Variants in TRERF1 observed in about 807,000 individuals in gnomAD.
The protein encoded by TRERF1 is transcriptional regulating factor 1.
Under a neutral mutation model 122.9 loss-of-function variants are expected in TRERF1, and 27 were observed. The ratio of observed to expected loss-of-function variants is 0.22; its 90% confidence interval spans 0.16 to 0.30. The LOEUF is 0.30. Ranked by LOEUF, TRERF1 falls within the 10% of genes least tolerant of loss-of-function variation. The pLI is 1.00. For missense variants in TRERF1, 1,248 were observed against 1,560.3 expected (o/e 0.80, Z 3.37); for synonymous variants, 636 against 641.7 (o/e 0.99, Z 0.13).
chr6:42,289,768 C>T (rs923259452), intron 4 of TRERF1, among the ~76,000 whole-genome samples: 1 of 152,134 alleles, frequency 6.6e-6, no homozygotes, highest in South Asian at 2.1e-4. Context: ...AGTTTGCTGA[C>T]CCCCAGTGCA....
Position 42,393,985 on chromosome 6 carries a change from G to C in TRERF1, c.-453-30906C>G, listed in dbSNP as rs182267091. Among the ~76,000 whole-genome samples the C allele has an allele frequency of 6.6e-6, 1 of 151,416 alleles. No individual in the cohort carries two copies. The highest frequency in any genetic ancestry group is 1.5e-5 in the Non-Finnish European group (1 of 67,938). ...CACACTGGTTTCTTCCAGAAAGATG[G>C]ATGTTTTTATTTTCTTCTCTATGAT... On this transcript the variant is annotated intron_variant, in intron 2 of 17. Coordinates refer to ENST00000372922, the Ensembl canonical transcript of TRERF1. This position sits in a 1 kb window ranked among gnomAD's most constrained non-coding sequence, Gnocchi z 4.1.
intron 3 of TRERF1, among the ~76,000 whole-genome samples, chr6:42,359,576 T>G (rs1276689989): frequency 6.6e-6 from 1 of 152,092 alleles, no homozygotes; most frequent in Admixed American, 6.5e-5. Context: ...ATACAAAAAT[T>G]AGCTGGGCGC....
intron 4 of TRERF1, among the ~76,000 whole-genome samples, chr6:42,294,935 A>G (rs1205368535): frequency 6.6e-6 from 1 of 152,148 alleles, no homozygotes. Flanking sequence ...GGCTCTGAGT[A>G]ACCAGAATAC....
In TRERF1 at chr6:42,419,269, C is replaced by T. The variant is rs532208474; in HGVS notation, c.-454+31908G>A. ...CACCGCCCCACCCCACCCCCCGCCC[C>T]GGCTTCTGCTGAGTCCCCTCTCCTC... On this transcript the variant is annotated intron_variant, in intron 2 of 17. Transcript: ENST00000372922. Among the ~76,000 whole-genome samples the T allele has an allele frequency of 2.2e-3, 312 of 139,464 alleles. 2 individuals are homozygous for T. Among genetic ancestry groups the T allele is most frequent in the Middle Eastern group, 7.4e-3 (2 of 272 alleles). The allele number at this position is 139,464 out of a possible 152,430, so 91.5% of individuals were successfully genotyped here.
chr6:42,425,591 T>G (rs1206120649), intron 2 of TRERF1, among the ~76,000 whole-genome samples: 1 of 117,300 alleles, frequency 8.5e-6, no homozygotes, highest in Admixed American at 1.2e-4. Context: ...TCGTCAGGGC[T>G]GGAATGCAAT....
At chr6:42,253,311 G>C (rs1461412304) in intron 13 of TRERF1, among the ~76,000 whole-genome samples, 1 of 152,132 alleles carries the variant, frequency 6.6e-6, no homozygotes, top group Non-Finnish European at 1.5e-5. Context: ...CCACTCTGAG[G>C]GCTGAGGGCA....
chr6:42,256,278 A>C (rs1487914383), intron 12 of TRERF1, among the ~76,000 whole-genome samples: 1 of 152,178 alleles, frequency 6.6e-6, no homozygotes, highest in Non-Finnish European at 1.5e-5. Flanking sequence ...GTGAACAGTA[A>C]ACACTTTATT....
At chr6:42,348,348 G>T (rs898715899) in intron 3 of TRERF1, among the ~76,000 whole-genome samples, 1 of 152,022 alleles carries the variant, frequency 6.6e-6, no homozygotes, top group African/African-American at 2.4e-5. Context: ...TTGTCTCCTG[G>T]GTTCAAGCGA....
intron 3 of TRERF1, among the ~76,000 whole-genome samples, chr6:42,323,521 T>C (rs1004182802): frequency 1.6e-4 from 25 of 152,162 alleles, no homozygotes; most frequent in Admixed American, 1.6e-3. Context: ...TTAGGGATAC[T>C]GATGGATAAC....
chr6:42,359,141 C>G (rs1771203862), intron 3 of TRERF1, among the ~76,000 whole-genome samples: 1 of 152,178 alleles, frequency 6.6e-6, no homozygotes. Context: ...AACCAGTGCT[C>G]TCCGCACCGT....
At chr6:42,420,891 G>C (rs978728027) in intron 2 of TRERF1, among the ~76,000 whole-genome samples, 8 of 152,176 alleles carry the variant, frequency 5.3e-5, no homozygotes, top group Admixed American at 5.2e-4. Context: ...CTGACAGGGG[G>C]CCACCCAGCC....
At chr6:42,292,272 C>T (rs1408202909) in intron 4 of TRERF1, among the ~76,000 whole-genome samples, 2 of 152,132 alleles carry the variant, frequency 1.3e-5, no homozygotes, top group Non-Finnish European at 2.9e-5. Flanking sequence ...ACCTTCAGCC[C>T]TCCTTTTGTT....
In TRERF1 at chr6:42,268,237, G is replaced by A; in HGVS notation, c.1354C>T (p.Pro452Ser). The A allele has an allele frequency of 6.7e-7, 1 of 1,497,912 alleles. No individual in the cohort carries two copies. The highest frequency in any genetic ancestry group is 1.4e-5 in the South Asian group (1 of 70,602). 92.8% of individuals were successfully genotyped at this position (1,497,912 alleles called of 1,614,324 possible). ...TGGATCCCACTGGGGGATAGGAGGG[G>A]GCGATGGGGGAGGGTGCTGCTGACC... is the stretch of plus-strand genomic sequence containing the variant. Residue 452 changes from proline to serine, a missense_variant, in exon 5 of 18, where the codon CCC (proline) becomes TCC (serine). Coordinates refer to ENST00000372922, the Ensembl canonical transcript of TRERF1. This position sits in a 1 kb window ranked among gnomAD's most constrained non-coding sequence, Gnocchi z 4.4.
intron 3 of TRERF1, among the ~76,000 whole-genome samples, chr6:42,332,190 A>G (rs1193896808): frequency 6.6e-6 from 1 of 152,170 alleles, no homozygotes; most frequent in Non-Finnish European, 1.5e-5. Context: ...TGATCCGCCC[A>G]CCTCGGCCTC....
chr6:42,283,873 C>T (rs1465874796), intron 4 of TRERF1, among the ~76,000 whole-genome samples: 1 of 152,220 alleles, frequency 6.6e-6, no homozygotes, highest in Non-Finnish European at 1.5e-5. Context: ...GCCTCGACCT[C>T]CCAAAGTGCT....
At position 42,275,215 on chromosome 6, in the gene TRERF1, CTT is replaced by C. The variant is rs1449545110; in HGVS notation, c.-258-5369_-258-5368del. On this transcript the variant is annotated intron_variant, in intron 4 of 17. Coordinates refer to ENST00000372922, the Ensembl canonical transcript of TRERF1. This position sits in a 1 kb window ranked among gnomAD's most constrained non-coding sequence, Gnocchi z 4.1. Reference sequence around the variant, plus strand: ...TATAATACCAACTCAGGATTCAAGTCTTTATTATTTTTCTAACAAGGTAACTG... The same window carrying C: ...TATAATACCAACTCAGGATTCAAGTCTATTATTTTTCTAACAAGGTAACTG... Among the ~76,000 whole-genome samples the C allele has an allele frequency of 6.6e-6, 1 of 152,194 alleles. No individual in the cohort carries two copies. Among genetic ancestry groups the C allele is most frequent in the South Asian group, 2.1e-4 (1 of 4,836 alleles).
intron 4 of TRERF1, among the ~76,000 whole-genome samples, chr6:42,300,209 C>A (rs145091297): frequency 6.6e-6 from 1 of 152,340 alleles, no homozygotes; most frequent in East Asian, 1.9e-4. Flanking sequence ...ACTGGCCTGA[C>A]TGATCATCTA....
intron 15 of TRERF1, among the ~76,000 whole-genome samples, chr6:42,240,764 G>A (rs1037172032): frequency 5.3e-5 from 8 of 152,184 alleles, no homozygotes; most frequent in Non-Finnish European, 1.0e-4. Context: ...CTGTGTGGTC[G>A]GGGGAGAGGA....
In TRERF1 at chr6:42,228,797, T is replaced by C; in HGVS notation, c.3279-128A>G. On this transcript the variant is annotated intron_variant, in intron 17 of 17. Transcript: ENST00000372922. This position sits in a 1 kb window ranked among gnomAD's most constrained non-coding sequence, Gnocchi z 4.2. ...CCCTGGCTGCTCGGCTTCTAGGACC[T>C]CCTTCCCCTGTGACCTGTCACCTCT... The C allele has an allele frequency of 1.1e-6, 1 of 870,480 alleles. No homozygotes were observed. Among genetic ancestry groups the C allele is most frequent in the African/African-American group, 1.7e-5 (1 of 59,792 alleles). 53.9% of individuals were successfully genotyped at this position (870,480 alleles called of 1,614,324 possible).
Sources: gnomAD v4.1 joint callset for allele counts (sites outside exome capture counted in the v4.1 genomes callset) on GRCh38, gnomAD v4.1.1 for gene constraint, Gnocchi (gnomAD v3.1) non-coding constraint, MANE v1.5 for transcripts, NCBI Gene and HGNC (gene_info 2026-07-23, HGNC 2026-07-21) for gene names.